GRIK3: variants seen among roughly 807,000 people sequenced by gnomAD.
The protein encoded by GRIK3 is glutamate receptor ionotropic, kainate 3.
In GRIK3, 29 loss-of-function variants were observed where a neutral mutation model predicts 102.5. That is an observed-to-expected ratio of 0.28 (90% confidence interval 0.21 to 0.39). The LOEUF (loss-of-function observed/expected upper bound fraction) is 0.39. Ranked by LOEUF, GRIK3 falls within the 10% of genes least tolerant of loss-of-function variation. GRIK3 has a pLI of 1.00. For missense variants in GRIK3, 908 were observed against 1,252.4 expected, an observed-to-expected ratio of 0.73 and a Z score of 4.15; for synonymous variants, 511 against 504.9, an observed-to-expected ratio of 1.01 and a Z score of -0.16.
intron 2 of GRIK3, among the ~76,000 whole-genome samples, chr1:36,889,944 A>T (rs775406664): frequency 6.6e-6 from 1 of 152,106 alleles, no homozygotes; most frequent in Non-Finnish European, 1.5e-5. Flanking sequence ...TTCTAGCTGG[A>T]CAAGGCCGGG....
intron 14 of GRIK3, 82 bp from the exon 15 acceptor site, chr1:36,805,319 C>T: frequency 7.0e-7 from 1 of 1,429,966 alleles, no homozygotes; most frequent in Non-Finnish European, 9.5e-7. Context: ...CTGGTCAGGT[C>T]ACCACCACTA....
At chr1:37,005,363 C>T (rs1426385038) in intron 1 of GRIK3, among the ~76,000 whole-genome samples, 1 of 152,226 alleles carries the variant, frequency 6.6e-6, no homozygotes, top group African/African-American at 2.4e-5. Flanking sequence ...CCATCACATC[C>T]ACTGAAAGCC....
chr1:36,956,154 T>C (rs1005249885), intron 1 of GRIK3, among the ~76,000 whole-genome samples: 2 of 151,978 alleles, frequency 1.3e-5, no homozygotes, highest in South Asian at 4.2e-4. Flanking sequence ...TTCAACATCA[T>C]CCTCTCCCCT....
intron 1 of GRIK3, among the ~76,000 whole-genome samples, chr1:36,937,608 CGGTGGAGCAGA>C (rs1641673556): frequency 6.6e-6 from 1 of 151,798 alleles, no homozygotes; most frequent in Non-Finnish European, 1.5e-5. Flanking sequence ...CAGGGAGCAG[CGGTGGAGCAGA>C]GGTGACTAAG....
chr1:37,000,077 T>C (rs1210554519), intron 1 of GRIK3, among the ~76,000 whole-genome samples: 3 of 152,210 alleles, frequency 2.0e-5, no homozygotes, highest in East Asian at 3.8e-4. Context: ...AATGTCCCCA[T>C]AGGATGCAGG....
chr1:36,987,131 T>C (rs1642314694), intron 1 of GRIK3, among the ~76,000 whole-genome samples: 1 of 152,180 alleles, frequency 6.6e-6, no homozygotes, highest in South Asian at 2.1e-4. Flanking sequence ...ACACACCATG[T>C]CCAAAGTCAA....
Position 36,800,002 on chromosome 1 carries a change from T to C in GRIK3, c.*1849A>G, listed in dbSNP as rs551200984. 4 of 152,280 alleles carry C rather than the reference T, an allele frequency of 2.6e-5. No homozygotes were observed. Among genetic ancestry groups the C allele is most frequent in the African/African-American group, 9.6e-5 (4 of 41,536 alleles). The allele number at this position is 152,280 out of a possible 1,614,324, so 9.4% of individuals were successfully genotyped here. ...CTTTGGTGTATGTCTAGCCCTCCTCTCCCTCGTCCAATGTACATAGCCAGT... is the reference window on the plus strand; with the variant it reads ...CTTTGGTGTATGTCTAGCCCTCCTCCCCCTCGTCCAATGTACATAGCCAGT... On this transcript the variant is annotated 3_prime_UTR_variant, in exon 16 of 16. Coordinates refer to ENST00000373091, the MANE Select transcript of GRIK3 (RefSeq NM_000831.4).
intron 3 of GRIK3, among the ~76,000 whole-genome samples, chr1:36,875,865 T>C (rs1640907847): frequency 6.6e-6 from 1 of 152,212 alleles, no homozygotes; most frequent in African/African-American, 2.4e-5. Flanking sequence ...TGCACTCCCT[T>C]CCAGCATTCT....
chr1:36,975,709 AAGG>A (rs1392948819), intron 1 of GRIK3, among the ~76,000 whole-genome samples: 1 of 152,214 alleles, frequency 6.6e-6, no homozygotes, highest in Non-Finnish European at 1.5e-5. Context: ...CCCTGCCCTG[AAGG>A]AGATGATATC....
chr1:36,944,133 C>T (rs1227476767), intron 1 of GRIK3, among the ~76,000 whole-genome samples: 1 of 152,194 alleles, frequency 6.6e-6, no homozygotes, highest in Non-Finnish European at 1.5e-5. Context: ...CTGAGTGCTC[C>T]TCAAAAGGCT....
At chr1:36,843,949 C>T (rs538309364) in intron 9 of GRIK3, among the ~76,000 whole-genome samples, 1 of 152,364 alleles carries the variant, frequency 6.6e-6, no homozygotes, top group East Asian at 1.9e-4. Context: ...TTCCCTTGAC[C>T]TCATGAGCCC....
chr1:36,999,729 C>T (rs1642455282), intron 1 of GRIK3, among the ~76,000 whole-genome samples: 1 of 152,194 alleles, frequency 6.6e-6, no homozygotes, highest in African/African-American at 2.4e-5. Context: ...GGTGACATAT[C>T]CCAGCTGTTT....
At chr1:36,887,655 C>T (rs1180778263) in intron 2 of GRIK3, among the ~76,000 whole-genome samples, 1 of 151,232 alleles carries the variant, frequency 6.6e-6, no homozygotes, top group African/African-American at 2.4e-5. Flanking sequence ...ACTTGGGAGG[C>T]TGAGGCAGGA....
intron 13 of GRIK3, among the ~76,000 whole-genome samples, chr1:36,810,491 C>T (rs1362411465): frequency 6.6e-6 from 1 of 152,202 alleles, no homozygotes; most frequent in Non-Finnish European, 1.5e-5. Context: ...ATTCCAGCCT[C>T]CTCAAAGAAG....
chr1:36,855,227 A>G (rs763579109), intron 7 of GRIK3, among the ~76,000 whole-genome samples: 3 of 152,178 alleles, frequency 2.0e-5, no homozygotes, highest in Non-Finnish European at 4.4e-5. Flanking sequence ...CCTGGCTCCC[A>G]GTCCTTGCTT....
rs991139268 is a variant in GRIK3, at chr1:36,798,627, C to T, written c.*3224G>A. On this transcript the variant is annotated 3_prime_UTR_variant, in exon 16 of 16. Coordinates refer to ENST00000373091, the MANE Select transcript of GRIK3 (RefSeq NM_000831.4). Reference sequence around the variant, plus strand: ...ACAGATGTAGCATCATTTTCAGTGCCCCGGGAGAGACAGAGCTCATGCTTG... The same window carrying T: ...ACAGATGTAGCATCATTTTCAGTGCTCCGGGAGAGACAGAGCTCATGCTTG... 5 of 152,262 alleles carry T rather than the reference C, an allele frequency of 3.3e-5. No individual in the cohort carries two copies. Among genetic ancestry groups the T allele is most frequent in the African/African-American group, 1.2e-4 (5 of 41,464 alleles). 9.4% of individuals were successfully genotyped at this position (152,262 alleles called of 1,614,324 possible).
rs535854992 is a variant in GRIK3 at position 36,915,578 on chromosome 1, A to G, written c.116-24482T>C. 2.0e-5 allele frequency among the ~76,000 whole-genome samples: 3 copies of G among 152,272 alleles called. No individual in the cohort carries two copies. The East Asian group carries it at 5.8e-4, about 29-fold the overall frequency. On this transcript the variant is annotated intron_variant, in intron 1 of 15. Transcript: ENST00000373091. ...CACCCAAATCTCATCTTGAATCCCC[A>G]TGTGATGTGGGAGGGACCTGGTGGG...
At chr1:36,997,677 G>A (rs1174061411) in intron 1 of GRIK3, among the ~76,000 whole-genome samples, 1 of 152,094 alleles carries the variant, frequency 6.6e-6, no homozygotes, top group Admixed American at 6.5e-5. Context: ...GGCCGGGGGT[G>A]ACCACACTCA....
At chr1:36,981,367 C>T (rs892332325) in intron 1 of GRIK3, among the ~76,000 whole-genome samples, 1 of 152,180 alleles carries the variant, frequency 6.6e-6, no homozygotes, top group African/African-American at 2.4e-5. Context: ...CCTTTAGTTG[C>T]CTGCCTGGTG....
Sources: gnomAD v4.1 joint callset for allele counts (sites outside exome capture counted in the v4.1 genomes callset) on GRCh38, gnomAD v4.1.1 for gene constraint, MANE v1.5 for transcripts, NCBI Gene and HGNC (gene_info 2026-07-23, HGNC 2026-07-21) for gene names.